The following ODAD2 variants were observed in gnomAD, a reference collection of about 807,000 sequenced individuals.
The protein encoded by ODAD2 is outer dynein arm docking complex subunit 2, also known as outer dynein arm-docking complex subunit 2.
In ODAD2, 89 loss-of-function variants were observed where a neutral mutation model predicts 106.8. That is an observed-to-expected ratio of 0.83 (90% CI 0.70 to 0.99). ODAD2 has a LOEUF of 0.99. ODAD2 is among the 50% of genes least tolerant of loss of function. The pLI is 0.00. For synonymous variants in ODAD2, 404 were observed against 436.2 expected, an observed-to-expected ratio of 0.93 and a Z score of 0.92; for missense variants, 1,168 against 1,238.5, an observed-to-expected ratio of 0.94 and a Z score of 0.85.
At chr10:27,865,335 C>A (rs1452391462) in intron 17 of ODAD2, among the ~76,000 whole-genome samples, 4 of 152,220 alleles carry the variant, frequency 2.6e-5, no homozygotes, top group Non-Finnish European at 4.4e-5. Context: ...GTAGAGGGAA[C>A]ACTACTTTAT....
chr10:27,970,127 A>AATAT (rs1288515959), intron 8 of ODAD2, among the ~76,000 whole-genome samples: 1 of 149,960 alleles, frequency 6.7e-6, no homozygotes, highest in African/African-American at 2.4e-5. Context: ...TAAATAAATA[A>AATAT]ATAAATAAAT....
At chr10:27,948,923 G>C (rs1033162716) in intron 10 of ODAD2, among the ~76,000 whole-genome samples, 1 of 150,130 alleles carries the variant, frequency 6.7e-6, no homozygotes, top group African/African-American at 2.5e-5. Context: ...AATGAAAGTC[G>C]CTCTCTTTCA....
chr10:27,850,424 G>A (rs1216821533), intron 19 of ODAD2, among the ~76,000 whole-genome samples: 2 of 138,102 alleles, frequency 1.4e-5, no homozygotes, highest in African/African-American at 5.6e-5. Context: ...CAGCCTGGGC[G>A]ACAGAGCGAG....
chr10:27,860,434 C>T (rs1052474742), intron 19 of ODAD2, among the ~76,000 whole-genome samples, 191 bp downstream of exon 19: 1 of 152,064 alleles, frequency 6.6e-6, no homozygotes, highest in Admixed American at 6.6e-5. Flanking sequence ...GCCTGGGCAA[C>T]ACAGCGAGAC....
intron 19 of ODAD2, among the ~76,000 whole-genome samples, chr10:27,845,083 G>C (rs556786885): frequency 5.3e-5 from 8 of 152,162 alleles, no homozygotes; most frequent in Admixed American, 3.3e-4. Context: ...GATACTCCTC[G>C]AAAAGAGCAA....
intron 19 of ODAD2, among the ~76,000 whole-genome samples, chr10:27,824,713 A>T (rs1836902228): frequency 6.6e-6 from 1 of 152,202 alleles, no homozygotes; most frequent in Non-Finnish European, 1.5e-5. Context: ...CCCTCTTGAT[A>T]TAAACTCTGA....
intron 17 of ODAD2, among the ~76,000 whole-genome samples, chr10:27,864,233 C>T (rs1840272628): frequency 6.6e-6 from 1 of 151,120 alleles, no homozygotes; most frequent in African/African-American, 2.4e-5. Flanking sequence ...GAGATGATTC[C>T]CACGTCTCTG....
At chr10:27,991,655 G>A (rs545954748) in intron 2 of ODAD2, among the ~76,000 whole-genome samples, 5 of 152,146 alleles carry the variant, frequency 3.3e-5, no homozygotes, top group Admixed American at 3.3e-4. Flanking sequence ...TTTCAGCGTA[G>A]ATAAAACTTA....
intron 7 of ODAD2, among the ~76,000 whole-genome samples, chr10:27,974,160 T>G (rs1057009404): frequency 1.3e-5 from 2 of 152,244 alleles, no homozygotes; most frequent in Non-Finnish European, 2.9e-5. Flanking sequence ...CCATTCTTTA[T>G]GGATGCTGGA....
intron 19 of ODAD2, among the ~76,000 whole-genome samples, chr10:27,832,909 G>T (rs1837594845): frequency 6.6e-6 from 1 of 152,096 alleles, no homozygotes; most frequent in Admixed American, 6.5e-5. Context: ...AAAAGAATAA[G>T]TAATAGGAAT....
chr10:27,892,775 C>A (rs1337692335), intron 17 of ODAD2, among the ~76,000 whole-genome samples: 1 of 152,196 alleles, frequency 6.6e-6, no homozygotes, highest in Non-Finnish European at 1.5e-5. Context: ...TCCTGTAATT[C>A]ATTACTGAAG....
chr10:27,990,534 G>T (rs570714655), intron 2 of ODAD2, among the ~76,000 whole-genome samples: 2 of 152,204 alleles, frequency 1.3e-5, no homozygotes, highest in African/African-American at 2.4e-5. Context: ...AGAAAATAAG[G>T]CTATAGCTAA....
At chr10:27,981,240 A>G (rs1487310937) in intron 7 of ODAD2, among the ~76,000 whole-genome samples, 3 of 152,180 alleles carry the variant, frequency 2.0e-5, no homozygotes, top group Non-Finnish European at 4.4e-5. Flanking sequence ...TTGGAAATTG[A>G]CAATAGTGAT....
intron 10 of ODAD2, among the ~76,000 whole-genome samples, chr10:27,959,388 C>T (rs1349937683): frequency 2.0e-5 from 3 of 151,184 alleles, no homozygotes; most frequent in African/African-American, 4.8e-5. Flanking sequence ...TTTTTTCTTT[C>T]CCCCAGATGA....
chr10:27,994,921 G>A lies in ODAD2; in HGVS notation c.222C>T (p.Val74=). ...CTAGAAGCAAGTAACTGGCTTACCT[G>A]ACAACATAACCTGATTCAAATGCTG... ...APSAFESGYV[V]SETTVKSEEV... is the part of the protein sequence containing the mutation. Residue 74 remains valine, a splice_region_variant and synonymous_variant, in exon 2 of 20, where the codon GTC becomes GTT. Coordinates refer to ENST00000305242, the MANE Select transcript of ODAD2 (RefSeq NM_018076.5). 2 of 1,613,914 alleles carry A rather than the reference G, an allele frequency of 1.2e-6. No individual in the cohort carries two copies. The highest frequency in any genetic ancestry group is 2.7e-5 in the African/African-American group (2 of 75,022).
rs993271106 is a variant in ODAD2, at chr10:27,891,893, C to T, written c.2610+15770G>A. 2.0e-5 allele frequency among the ~76,000 whole-genome samples: 3 copies of T among 152,158 alleles called. No individual in the cohort carries two copies. The South Asian group carries it at 6.2e-4, about 32-fold the overall frequency. On this transcript the variant is annotated intron_variant, in intron 17 of 19. Coordinates refer to ENST00000305242, the MANE Select transcript of ODAD2 (RefSeq NM_018076.5). Reference sequence around the variant, plus strand: ...CATATTTTCAGTATCTTAATGTTCACGGAGCACAAATTTGAGTAGACTTTC... The same window carrying T: ...CATATTTTCAGTATCTTAATGTTCATGGAGCACAAATTTGAGTAGACTTTC...
At chr10:27,975,052 C>T (rs1259373352) in intron 7 of ODAD2, among the ~76,000 whole-genome samples, 1 of 151,996 alleles carries the variant, frequency 6.6e-6, no homozygotes, top group South Asian at 2.1e-4. Flanking sequence ...CTGTTGTTGG[C>T]GTACAGGAAT....
intron 16 of ODAD2, among the ~76,000 whole-genome samples, chr10:27,925,227 G>A (rs1845174386): frequency 6.6e-6 from 1 of 152,016 alleles, no homozygotes; most frequent in African/African-American, 2.4e-5. Flanking sequence ...TTCAATGTTT[G>A]AAAATGCATT....
At chr10:27,974,036 A>ATAT (rs1849030348) in intron 7 of ODAD2, among the ~76,000 whole-genome samples, 1 of 152,142 alleles carries the variant, frequency 6.6e-6, no homozygotes, top group African/African-American at 2.4e-5. Flanking sequence ...ATAATCAGTG[A>ATAT]TATTGAGCTT....
Sources: allele counts gnomAD v4.1 joint callset (sites outside exome capture counted in the v4.1 genomes callset), GRCh38; gene constraint gnomAD v4.1.1; transcripts MANE v1.5; gene names NCBI Gene and HGNC (gene_info 2026-07-23, HGNC 2026-07-21).